Variants in PKNOX1 observed in about 807,000 individuals in gnomAD.
PKNOX1 encodes the protein homeobox protein PKNOX1.
A neutral mutation model predicts 51.9 loss-of-function variants in PKNOX1; 15 were observed. That is an observed-to-expected ratio of 0.29 (90% CI 0.19 to 0.45). PKNOX1 has a LOEUF of 0.45. Among genes scored for constraint, PKNOX1 ranks in the 20% least tolerant of loss-of-function variants. The probability of loss-of-function intolerance (pLI) is 1.00; values close to 1 mark genes in which losing one functional copy is unlikely to be tolerated. For synonymous variants in PKNOX1, 219 were observed against 211.1 expected, an observed-to-expected ratio of 1.04 and a Z score of -0.32; for missense variants, 462 against 547.5, an observed-to-expected ratio of 0.84 and a Z score of 1.56.
At chr21:43,019,726 A>G (rs569500239) in intron 7 of PKNOX1, among the ~76,000 whole-genome samples, 17 of 152,076 alleles carry the variant, frequency 1.1e-4, no homozygotes, top group African/African-American at 4.1e-4. Flanking sequence ...TATTTTTAGT[A>G]GAAATGGGTT....
intron 1 of PKNOX1, among the ~76,000 whole-genome samples, chr21:42,993,606 G>T (rs1978337674): frequency 2.2e-5 from 3 of 136,188 alleles, no homozygotes; most frequent in Admixed American, 7.6e-5. Flanking sequence ...TATTTCTCCT[G>T]CTCCCTTGGC....
intron 4 of PKNOX1, among the ~76,000 whole-genome samples, chr21:43,011,672 C>T (rs1277626167): frequency 1.3e-5 from 2 of 152,156 alleles, no homozygotes; most frequent in African/African-American, 4.8e-5. Flanking sequence ...CATCTTGGTC[C>T]CATATCAAAA....
chr21:43,028,462 G>A (rs1980077781), intron 9 of PKNOX1, among the ~76,000 whole-genome samples: 1 of 146,124 alleles, frequency 6.8e-6, no homozygotes, highest in South Asian at 2.2e-4. Context: ...AAAAAAAAAT[G>A]CCATGGACGA....
intron 1 of PKNOX1, among the ~76,000 whole-genome samples, chr21:42,981,552 A>AT (rs1248344372): frequency 5.9e-5 from 9 of 151,370 alleles, no homozygotes; most frequent in Middle Eastern, 3.5e-3. Context: ...TATTTATTTT[A>AT]TTTAATTTTA....
chr21:43,000,775 T>C (rs151254631), intron 1 of PKNOX1, among the ~76,000 whole-genome samples: 67 of 152,294 alleles, frequency 4.4e-4, no homozygotes, highest in African/African-American at 1.5e-3. Flanking sequence ...TCCTGCTGTT[T>C]AGGGGGCTGT....
At chr21:43,017,219 A>G in intron 6 of PKNOX1, 1 of 357,128 alleles carries the variant, frequency 2.8e-6, no homozygotes, top group Middle Eastern at 7.2e-4. Flanking sequence ...TCTACCAAAA[A>G]TATATTGGAA....
chr21:43,029,424 GTTTTTTTTTTT>G (rs138486584), intron 10 of PKNOX1, among the ~76,000 whole-genome samples: 8 of 63,290 alleles, frequency 1.3e-4, no homozygotes, highest in African/African-American at 5.2e-4. Context: ...TGTTTGCTTT[GTTTTTTTTTTT>G]TTTTTTTTTT....
chr21:43,014,240 C>G (rs900198539), intron 5 of PKNOX1, among the ~76,000 whole-genome samples: 1 of 152,070 alleles, frequency 6.6e-6, no homozygotes, highest in Non-Finnish European at 1.5e-5. Flanking sequence ...CCAGGATGGT[C>G]TCGATCTCCT....
Position 43,032,147 on chromosome 21 carries a change from A to G in PKNOX1, c.*2046A>G, listed in dbSNP as rs1382489452. On this transcript the variant is annotated 3_prime_UTR_variant, in exon 11 of 11. Transcript: ENST00000291547. ...AGTGCTGGGATTACAGGTGTGAGCCACCGCGCCCGGCCGAGAATGACATCT... is the reference window on the plus strand; with the variant it reads ...AGTGCTGGGATTACAGGTGTGAGCCGCCGCGCCCGGCCGAGAATGACATCT... The G allele has an allele frequency of 2.2e-6, 1 of 456,090 alleles. No homozygotes were observed. Among genetic ancestry groups the G allele is most frequent in the Non-Finnish European group, 4.4e-6 (1 of 226,950 alleles). The allele number at this position is 456,090 out of a possible 1,614,324, so 28.3% of individuals were successfully genotyped here.
intron 5 of PKNOX1, among the ~76,000 whole-genome samples, chr21:43,016,145 G>A (rs1180907972): frequency 6.6e-6 from 1 of 152,204 alleles, no homozygotes; most frequent in Non-Finnish European, 1.5e-5. Flanking sequence ...CTTATGCTAT[G>A]TAACTGCTCA....
intron 4 of PKNOX1, among the ~76,000 whole-genome samples, chr21:43,011,573 C>T (rs545638515): frequency 1.2e-3 from 178 of 152,324 alleles, no homozygotes; most frequent in African/African-American, 3.5e-3. Context: ...GGTGTGCTCT[C>T]CTGCCAGAGT....
chr21:42,987,404 AATATATAT>A (rs1170402960), intron 1 of PKNOX1, among the ~76,000 whole-genome samples: 8 of 41,416 alleles, frequency 1.9e-4, no homozygotes, highest in African/African-American at 7.4e-4. Context: ...AAAAAAAAAA[AATATATAT>A]ATATATATAT....
intron 1 of PKNOX1, among the ~76,000 whole-genome samples, chr21:42,974,916 C>T (rs2058984233): frequency 6.9e-6 from 1 of 144,504 alleles, no homozygotes; most frequent in Non-Finnish European, 1.5e-5. Context: ...CGCGGGGGCG[C>T]GCCCAGTTGG....
At chr21:43,010,632 A>G (rs994949795) in intron 4 of PKNOX1, among the ~76,000 whole-genome samples, 73 of 152,124 alleles carry the variant, frequency 4.8e-4, no homozygotes, top group African/African-American at 1.7e-3. Context: ...TGGGCAGATC[A>G]CAAGGTCAGG....
chr21:42,987,535 C>T (rs1246847473), intron 1 of PKNOX1, among the ~76,000 whole-genome samples: 1 of 149,822 alleles, frequency 6.7e-6, no homozygotes, highest in Non-Finnish European at 1.5e-5. Context: ...TAATTTTGGT[C>T]AGGGATTGGC....
chr21:43,006,167 C>T (rs112706871), intron 2 of PKNOX1, among the ~76,000 whole-genome samples: 25 of 151,964 alleles, frequency 1.6e-4, no homozygotes, highest in Admixed American at 2.6e-4. Context: ...TCTGTTGCCC[C>T]GGCTGGAGTG....
intron 2 of PKNOX1, among the ~76,000 whole-genome samples, chr21:43,004,854 A>T (rs1168192822): frequency 1.3e-5 from 2 of 152,156 alleles, no homozygotes; most frequent in Non-Finnish European, 2.9e-5. Context: ...GGGCTGTCCC[A>T]GTAATGAATT....
chr21:42,996,819 T>C (rs34931955), intron 1 of PKNOX1, among the ~76,000 whole-genome samples: 5,334 of 152,176 alleles, frequency 0.035, 133 homozygotes, highest in Middle Eastern at 0.062. Context: ...CCTTCCACCT[T>C]GGCCTCCCAA....
chr21:43,012,561 CTG>C (rs765556803), intron 4 of PKNOX1, among the ~76,000 whole-genome samples: 1 of 152,200 alleles, frequency 6.6e-6, no homozygotes, highest in Non-Finnish European at 1.5e-5. Context: ...GAGTGAAACT[CTG>C]TCTCAAAAAA....
Sources: allele counts gnomAD v4.1 joint callset (sites outside exome capture counted in the v4.1 genomes callset), GRCh38; gene constraint gnomAD v4.1.1; transcripts MANE v1.5; gene names NCBI Gene and HGNC (gene_info 2026-07-23, HGNC 2026-07-21).